RRM2: variants seen among roughly 807,000 people sequenced by gnomAD.
RRM2 encodes ribonucleoside-diphosphate reductase subunit M2.
RRM2 carries 6 observed loss-of-function variants against 45.9 expected under a neutral mutation model. That is an observed-to-expected ratio of 0.13 (90% confidence interval 0.07 to 0.26). RRM2 has a LOEUF of 0.26. Ranked by LOEUF, RRM2 falls within the 10% of genes least tolerant of loss-of-function variation. The pLI, the probability that RRM2 is intolerant of heterozygous loss-of-function variation, is 1.00. For synonymous variants in RRM2, 177 were observed against 173.0 expected, an observed-to-expected ratio of 1.02 and a Z score of -0.18; for missense variants, 343 against 489.5, an observed-to-expected ratio of 0.70 and a Z score of 2.82.
chr2:10,203,766 T>C (rs548644726), intron 3 of RRM2, among the ~76,000 whole-genome samples: 1 of 146,186 alleles, frequency 6.8e-6, no homozygotes, highest in East Asian at 2.0e-4. Flanking sequence ...AATAAATACA[T>C]ACATACATAC....
At chr2:10,135,562 A>G (rs191513937), downstream of RRM2, among the ~76,000 whole-genome samples, 403 of 152,192 alleles carry the variant, frequency 2.6e-3, 1 homozygote, top group African/African-American at 6.9e-3. Context: ...GAAGGTGGAA[A>G]GGGTCGAGAT....
At chr2:10,210,747 C>A in exon 4 of RRM2, 1 of 544,304 alleles carries the variant, frequency 1.8e-6, no homozygotes, top group Non-Finnish European at 2.9e-6. Context: ...ATGCCTGTGT[C>A]CCCTGGGTTC....
chr2:10,188,942 GC>G (rs916349359), intron 3 of RRM2, among the ~76,000 whole-genome samples: 1 of 152,130 alleles, frequency 6.6e-6, no homozygotes, highest in African/African-American at 2.4e-5. Flanking sequence ...AGGCGCCGGC[GC>G]CCCATGTAGC....
downstream of RRM2, among the ~76,000 whole-genome samples, chr2:10,135,862 T>G (rs1305282453): frequency 2.6e-5 from 4 of 152,146 alleles, no homozygotes; most frequent in Non-Finnish European, 5.9e-5. Context: ...TGGGTGTGAC[T>G]TCATCCCTGC....
chr2:10,140,065 A>G (rs993998753), upstream of RRM2, among the ~76,000 whole-genome samples: 12 of 152,082 alleles, frequency 7.9e-5, no homozygotes, highest in African/African-American at 1.2e-4. Context: ...TGGCTAACAC[A>G]GAGAAAGCCC....
At chr2:10,181,195 A>G (rs1175517104) in intron 3 of RRM2, among the ~76,000 whole-genome samples, 1 of 152,244 alleles carries the variant, frequency 6.6e-6, no homozygotes, top group East Asian at 1.9e-4. Flanking sequence ...ATAGCCAGTG[A>G]GGCAGATATT....
chr2:10,164,009 C>CGT (rs370774780), intron 3 of RRM2, among the ~76,000 whole-genome samples: 37,856 of 149,966 alleles, frequency 0.25, 5,448 homozygotes, highest in Non-Finnish European at 0.34. Flanking sequence ...TGAATGTGTG[C>CGT]GTGTGTGTGT....
intron 3 of RRM2, among the ~76,000 whole-genome samples, chr2:10,180,672 G>C (rs1664026851): frequency 6.6e-6 from 1 of 152,142 alleles, no homozygotes; most frequent in African/African-American, 2.4e-5. Context: ...CCATCCTTTA[G>C]GGCTTAGAAA....
At chr2:10,179,310 C>T (rs1054898009) in intron 3 of RRM2, among the ~76,000 whole-genome samples, 46 of 152,112 alleles carry the variant, frequency 3.0e-4, no homozygotes, top group African/African-American at 9.9e-4. Flanking sequence ...TGCCACCACG[C>T]CCGGCTAATT....
intron 3 of RRM2, among the ~76,000 whole-genome samples, chr2:10,154,494 C>T (rs1179870802): frequency 3.5e-5 from 3 of 86,126 alleles, no homozygotes; most frequent in African/African-American, 1.9e-4. Context: ...AGCGAGACTC[C>T]ATCTCAAAAA....
At chr2:10,152,568 G>A (rs1663336610) in intron 3 of RRM2, among the ~76,000 whole-genome samples, 3 of 148,846 alleles carry the variant, frequency 2.0e-5, no homozygotes, top group Non-Finnish European at 3.0e-5. Flanking sequence ...TTGCAGCTTT[G>A]GCCTCCTGGG....
intron 3 of RRM2, among the ~76,000 whole-genome samples, chr2:10,154,260 G>C (rs1663377289): frequency 6.6e-6 from 1 of 152,148 alleles, no homozygotes; most frequent in Admixed American, 6.5e-5. Context: ...GATCGCTTGA[G>C]GTCAGGGGTT....
chr2:10,140,145 G>T (rs1211571323), upstream of RRM2, among the ~76,000 whole-genome samples: 1 of 152,174 alleles, frequency 6.6e-6, no homozygotes, highest in Non-Finnish European at 1.5e-5. Context: ...TACTTGGGAG[G>T]CTGAGGCAGG....
At chr2:10,187,467 CT>C (rs1007712711) in intron 3 of RRM2, among the ~76,000 whole-genome samples, 1 of 152,210 alleles carries the variant, frequency 6.6e-6, no homozygotes, top group Non-Finnish European at 1.5e-5. Context: ...GTGAGAGAGG[CT>C]TTTTCTGCGT....
downstream of RRM2, among the ~76,000 whole-genome samples, chr2:10,133,137 G>A (rs544178031): frequency 6.6e-6 from 1 of 152,284 alleles, no homozygotes; most frequent in East Asian, 1.9e-4. Context: ...TCCTGGGTGT[G>A]AATTATAATC....
At chr2:10,188,847 T>G (rs1283696820) in intron 3 of RRM2, among the ~76,000 whole-genome samples, 1 of 152,106 alleles carries the variant, frequency 6.6e-6, no homozygotes, top group Non-Finnish European at 1.5e-5. Flanking sequence ...TGTCTTCCTG[T>G]GTCCTCCTAG....
chr2:10,149,769 G>T (rs965710974), intron 3 of RRM2, among the ~76,000 whole-genome samples: 6 of 152,156 alleles, frequency 3.9e-5, no homozygotes, highest in African/African-American at 1.4e-4. Flanking sequence ...CTGCAAGTGT[G>T]GCTTGTCTGT....
At position 10,196,900 on chromosome 2, in the gene RRM2, G is replaced by A. The variant is rs895078437; in HGVS notation, n.483-13411G>A. Among the ~76,000 whole-genome samples, 6 of 152,164 alleles carry A rather than the reference G, an allele frequency of 3.9e-5. No homozygotes were observed. In the South Asian group the frequency reaches 1.0e-3, roughly 26 times the overall value. ...CTGCGTGGCTGGGGTCCCTGGGAGC[G>A]CATCCCTTTTGAGACCACACTCCTC... is the stretch of plus-strand genomic sequence containing the variant. On this transcript the variant is annotated intron_variant and non_coding_transcript_variant, in intron 3 of 3. Coordinates refer to the RRM2 transcript ENST00000381786.
rs1130609 is a variant in RRM2 at position 10,122,793 on chromosome 2, T to G, written c.-6T>G. ...GCTGCTCGCTCTGCTTCGCTGCGCC[T>G]CCACTATGCTCTCCCTCCGTGTCCC... is the stretch of plus-strand genomic sequence containing the variant. On this transcript the variant is annotated 5_prime_UTR_variant, in exon 1 of 10. Transcript: ENST00000304567. 0.71 allele frequency: 1,129,652 copies of G among 1,583,810 alleles called. 409,250 individuals carry two copies. Among genetic ancestry groups the G allele is most frequent in the African/African-American group, 0.91 (67,619 of 74,594 alleles).
Sources: gnomAD v4.1 joint callset for allele counts (sites outside exome capture counted in the v4.1 genomes callset) on GRCh38, gnomAD v4.1.1 for gene constraint, MANE v1.5 for transcripts, NCBI Gene and HGNC (gene_info 2026-07-23, HGNC 2026-07-21) for gene names.